Variants in AHI1 observed in about 807,000 individuals in gnomAD.
AHI1 encodes Abelson helper integration site 1, also known as jouberin.
AHI1 carries 123 observed loss-of-function variants against 149.3 expected under a neutral mutation model. The ratio of observed to expected loss-of-function variants is 0.82; its 90% confidence interval spans 0.71 to 0.96. AHI1 has a LOEUF of 0.96. AHI1 is among the 40% of genes least tolerant of loss of function. The pLI, the probability that AHI1 is intolerant of heterozygous loss-of-function variation, is 0.00. For missense variants in AHI1, 1,439 were observed against 1,422.7 expected (o/e 1.01, Z -0.18); for synonymous variants, 475 against 459.8 (o/e 1.03, Z -0.42).
chr6:135,427,278 G>A lies in AHI1; in HGVS notation c.2653C>T (p.Pro885Ser), dbSNP rs769983660. 1.9e-6 allele frequency: 3 copies of A among 1,609,286 alleles called. No individual in the cohort carries two copies. Among genetic ancestry groups the A allele is most frequent in the Non-Finnish European group, 2.5e-6 (3 of 1,176,936 alleles). The stretch of plus-strand genomic sequence containing the variant: ...ATGTCTCGAATGGGTGACTTGAATG[G>A]CAAGTCAGAATACATGGCTACTTGT... The part of the protein sequence containing the change: ...GEQVAMYSDL[P>S]FKSPIRDISY... The change falls in exon 20 of 29, where the codon CCA (proline) becomes TCA (serine). Residue 885 changes from proline to serine, a missense_variant. Pro to Ser is a moderately conservative substitution (Grantham distance 74). Coordinates refer to ENST00000265602, the MANE Select transcript of AHI1 (RefSeq NM_001134831.2).
At chr6:135,427,129 A>C in intron 20 of AHI1, 38 bp downstream of exon 20, 1 of 1,579,900 alleles carries the variant, frequency 6.3e-7, no homozygotes, top group Non-Finnish European at 8.7e-7. Flanking sequence ...TGTAAAGGTT[A>C]CTCTAAAAAT....
intron 5 of AHI1, among the ~76,000 whole-genome samples, chr6:135,485,870 C>T (rs1794398735): frequency 6.6e-6 from 1 of 152,238 alleles, no homozygotes; most frequent in Non-Finnish European, 1.5e-5. Flanking sequence ...TTATGGCTCA[C>T]ACCTGTAGTC....
intron 24 of AHI1, among the ~76,000 whole-genome samples, chr6:135,338,014 C>T (rs1789664900): frequency 6.6e-6 from 1 of 151,870 alleles, no homozygotes; most frequent in South Asian, 2.1e-4. Flanking sequence ...GAAAACATCC[C>T]TGGCTGGGCG....
intron 5 of AHI1, among the ~76,000 whole-genome samples, chr6:135,483,006 C>T (rs1020347105): frequency 6.7e-6 from 1 of 148,560 alleles, no homozygotes; most frequent in Non-Finnish European, 1.5e-5. Context: ...ATTCTCCTGC[C>T]TCGGCCTCCC....
At chr6:135,402,074 G>A (rs1780096770) in intron 22 of AHI1, among the ~76,000 whole-genome samples, 4 of 151,896 alleles carry the variant, frequency 2.6e-5, no homozygotes, top group African/African-American at 7.3e-5. Context: ...TATAAAAAAC[G>A]CTCAACATCA....
intron 27 of AHI1, chr6:135,297,579 C>T (rs188410008): frequency 4.8e-4 from 216 of 453,500 alleles, no homozygotes; most frequent in Middle Eastern, 1.6e-3. Flanking sequence ...ATTTCCTCAT[C>T]TGACCTGTAA....
intron 15 of AHI1, among the ~76,000 whole-genome samples, chr6:135,437,531 TG>T (rs1455052492): frequency 2.6e-5 from 4 of 152,244 alleles, no homozygotes; most frequent in Non-Finnish European, 4.4e-5. Flanking sequence ...GGTAACATCT[TG>T]ATTAGATATT....
chr6:135,487,903 CTT>C (rs560154810), intron 5 of AHI1, among the ~76,000 whole-genome samples: 1 of 147,234 alleles, frequency 6.8e-6, no homozygotes. Context: ...AATCTTAAAT[CTT>C]TTTTTTTTTC....
At chr6:135,356,400 T>C (rs1351806855) in intron 24 of AHI1, among the ~76,000 whole-genome samples, 1 of 152,196 alleles carries the variant, frequency 6.6e-6, no homozygotes, top group African/African-American at 2.4e-5. Context: ...AATCAGACTT[T>C]ACTTGTCCTG....
Position 135,429,908 on chromosome 6 carries a change from A to C in AHI1, c.2466T>G (p.Ser822Arg). ...GKRLLIHTKD[S>R]TLRIMDLRIL... ...TCCGGAGATCCATAATTCTCAAAGT[A>C]CTGTCTTTGGTATGGATTAACAAAC... Residue 822 changes from serine to arginine, a missense_variant, in exon 18 of 29, where the codon AGT (serine) becomes AGG (arginine). By Grantham distance (110) the Ser-to-Arg change is moderately radical (BLOSUM62 -1). Coordinates refer to ENST00000265602, the MANE Select transcript of AHI1 (RefSeq NM_001134831.2). 6.3e-7 allele frequency: 1 copy of C among 1,581,286 alleles called. No individual in the cohort carries two copies. The highest frequency in any genetic ancestry group is 8.6e-7 in the Non-Finnish European group (1 of 1,158,528).
At position 135,490,647 on chromosome 6, in the gene AHI1, AAGTTTTTTCTTC is replaced by A. The variant is rs1192897691; in HGVS notation, c.99_110del (p.Lys34_Leu37del). The stretch of plus-strand genomic sequence containing the variant: ...CTGAGATGTTTTCTTCAGACCTGAC[AAGTTTTTTCTTC>A]AGTTTTTTCTTTTCACGCATTAGAT... On this transcript the variant is annotated inframe_deletion, in exon 5 of 29. Transcript: ENST00000265602. 5.6e-6 allele frequency: 9 copies of A among 1,613,618 alleles called. No individual in the cohort carries two copies. Among genetic ancestry groups the A allele is most frequent in the Admixed American group, 1.7e-5 (1 of 60,010 alleles).
chr6:135,459,740 T>TAA (rs58235668), intron 8 of AHI1, among the ~76,000 whole-genome samples: 28 of 118,554 alleles, frequency 2.4e-4, no homozygotes, highest in African/African-American at 9.1e-4. Context: ...CTGACAGAAG[T>TAA]AAAAAAAAAA....
intron 25 of AHI1, among the ~76,000 whole-genome samples, chr6:135,319,102 G>A (rs1285245782): frequency 2.0e-5 from 3 of 152,208 alleles, no homozygotes; most frequent in Admixed American, 1.3e-4. Flanking sequence ...ACTCTGATGT[G>A]GGGATGGAAA....
In AHI1 at chr6:135,433,191, T is replaced by C. The variant is rs1186763865; in HGVS notation, c.2102A>G (p.Tyr701Cys). 6.2e-7 allele frequency: 1 copy of C among 1,613,054 alleles called. No individual in the cohort carries two copies. Among genetic ancestry groups the C allele is most frequent in the Non-Finnish European group, 8.5e-7 (1 of 1,179,120 alleles). The change falls in exon 16 of 29, where the codon TAC becomes TGC. Residue 701 changes from tyrosine to cysteine, a missense_variant. Coordinates refer to ENST00000265602, the MANE Select transcript of AHI1 (RefSeq NM_001134831.2). ...FRVLPHPSFV[Y>C]TAKFHPAVRE... Reference sequence around the variant, plus strand: ...TACAGCTGGATGGAATTTAGCCGTGTAAACAAAAGAAGGATGAGGTAAAAC... The same window carrying C: ...TACAGCTGGATGGAATTTAGCCGTGCAAACAAAAGAAGGATGAGGTAAAAC...
intron 26 of AHI1, among the ~76,000 whole-genome samples, chr6:135,307,504 T>A (rs1784658238): frequency 6.6e-6 from 1 of 152,062 alleles, no homozygotes. Flanking sequence ...GTAAAATTCT[T>A]GTTTTTAAGT....
intron 23 of AHI1, among the ~76,000 whole-genome samples, chr6:135,367,801 G>A (rs1476026419): frequency 6.6e-6 from 1 of 151,792 alleles, no homozygotes; most frequent in Non-Finnish European, 1.5e-5. Context: ...CCTTTCTCTG[G>A]TGCCTCCTTG....
chr6:135,319,109 G>C (rs959031515), intron 25 of AHI1, among the ~76,000 whole-genome samples: 1 of 152,230 alleles, frequency 6.6e-6, no homozygotes, highest in East Asian at 1.9e-4. Flanking sequence ...TGTGGGGATG[G>C]AAAATGCTTA....
intron 25 of AHI1, 30 bp from the exon 26 acceptor site, chr6:135,318,646 C>G (rs775508831): frequency 6.9e-7 from 1 of 1,454,874 alleles, no homozygotes; most frequent in Non-Finnish European, 9.5e-7. Flanking sequence ...TTCATGTAAT[C>G]AAATTGAGGA....
chr6:135,356,911 T>A (rs1360614431), intron 24 of AHI1, among the ~76,000 whole-genome samples: 1 of 152,180 alleles, frequency 6.6e-6, no homozygotes. Flanking sequence ...ATATTAATCA[T>A]CAACACAATT....
Sources: allele counts gnomAD v4.1 joint callset (sites outside exome capture counted in the v4.1 genomes callset), GRCh38; gene constraint gnomAD v4.1.1; transcripts MANE v1.5; gene names NCBI Gene and HGNC (gene_info 2026-07-23, HGNC 2026-07-21).